Variants in TMEM164 observed in about 807,000 individuals in gnomAD.
TMEM164 encodes the protein RP13-360B22.2.
TMEM164 carries 4 observed loss-of-function variants against 18.8 expected under a neutral mutation model. The observed-to-expected ratio is 0.21, with a 90% CI of 0.10 to 0.49. The LOEUF (loss-of-function observed/expected upper bound fraction) is 0.49, where lower values mean the gene tolerates loss of function less well. Ranked by LOEUF, TMEM164 falls within the 20% of genes least tolerant of loss-of-function variation. TMEM164 has a pLI of 0.98. For missense variants in TMEM164, 108 were observed against 239.9 expected (o/e 0.45, Z 3.63); for synonymous variants, 86 against 101.7 (o/e 0.85, Z 0.93).
At chrX:110,074,245 T>C (rs2065639597) in intron 3 of TMEM164, among the ~76,000 whole-genome samples, 1 of 111,900 alleles carries the variant, frequency 8.9e-6, no homozygotes, top group Non-Finnish European at 1.9e-5. Flanking sequence ...GTTGGCTGCT[T>C]GTATGCCTTC....
At chrX:110,034,045 T>C (rs1934650782) in intron 2 of TMEM164, among the ~76,000 whole-genome samples, 1 of 111,203 alleles carries the variant, frequency 9.0e-6, no homozygotes, top group Non-Finnish European at 1.9e-5. Flanking sequence ...ATAGAGTTCA[T>C]TCAGAGGCGG....
At chrX:110,133,610 G>C (rs2066643712) in intron 4 of TMEM164, among the ~76,000 whole-genome samples, 1 of 111,813 alleles carries the variant, frequency 8.9e-6, no homozygotes, top group South Asian at 3.8e-4. Context: ...TTTGGGGAGA[G>C]ACACAATTCA....
intron 4 of TMEM164, among the ~76,000 whole-genome samples, chrX:110,142,118 C>G (rs1602697921): frequency 8.9e-6 from 1 of 112,295 alleles, no homozygotes; most frequent in East Asian, 2.8e-4. Context: ...TGACAAGAGG[C>G]TCAGGAGCTG....
intron 2 of TMEM164, among the ~76,000 whole-genome samples, chrX:110,022,986 T>C (rs1016947798): frequency 1.8e-5 from 2 of 112,515 alleles, no homozygotes; most frequent in Admixed American, 9.4e-5. Context: ...CTGGTGTATA[T>C]GGCCTTACCC....
intron 2 of TMEM164, among the ~76,000 whole-genome samples, chrX:110,041,759 T>C (rs1049761287): frequency 8.9e-6 from 1 of 111,775 alleles, no homozygotes. Flanking sequence ...TAGAAAAAAG[T>C]TAAGGTATAT....
intron 2 of TMEM164, among the ~76,000 whole-genome samples, chrX:110,054,864 TGA>T (rs1210294710): frequency 8.9e-6 from 1 of 112,054 alleles, no homozygotes; most frequent in Non-Finnish European, 1.9e-5. Context: ...CGATTGATGA[TGA>T]GAGAGAGACC....
At chrX:110,140,098 AG>A (rs1439336601) in intron 4 of TMEM164, among the ~76,000 whole-genome samples, 1 of 111,665 alleles carries the variant, frequency 9.0e-6, no homozygotes, top group Non-Finnish European at 1.9e-5. Context: ...AATGTTGGAA[AG>A]GCATCACAGG....
chrX:110,133,649 T>C (rs1324600352), intron 4 of TMEM164, among the ~76,000 whole-genome samples: 1 of 112,185 alleles, frequency 8.9e-6, no homozygotes, highest in African/African-American at 3.2e-5. Context: ...GTATTCATTA[T>C]GACCATCATT....
intron 2 of TMEM164, among the ~76,000 whole-genome samples, chrX:110,012,078 AC>A (rs1933038435): frequency 9.0e-6 from 1 of 111,559 alleles, no homozygotes; most frequent in South Asian, 3.8e-4. Flanking sequence ...CAACAGAGGC[AC>A]ACAACATTGG....
At chrX:110,005,956 A>T (rs1394481794) in intron 2 of TMEM164, among the ~76,000 whole-genome samples, 2 of 111,447 alleles carry the variant, frequency 1.8e-5, no homozygotes, top group Non-Finnish European at 3.8e-5. Context: ...TGATGTGATG[A>T]CGTCAAGACT....
rs777738903 is a variant in TMEM164, at chrX:110,149,110, C to T, written c.586+4234C>T. ...TTTTTTTTTTTAACTAAAATATATA[C>T]GCTTTCAAGAGAAGCCCCATAATAT... On this transcript the variant is annotated intron_variant, in intron 5 of 6. Transcript: ENST00000372068. Among the ~76,000 whole-genome samples the T allele has an allele frequency of 5.0e-3, 553 of 109,740 alleles. 7 individuals carry two copies. The highest frequency in any genetic ancestry group is 0.018 in the African/African-American group (528 of 30,117).
At chrX:110,142,264 C>T (rs1350720148) in intron 4 of TMEM164, among the ~76,000 whole-genome samples, 3 of 112,036 alleles carry the variant, frequency 2.7e-5, no homozygotes, top group Non-Finnish European at 5.6e-5. Flanking sequence ...TGTGGAGGGA[C>T]GAGTGAGGAC....
chrX:110,094,978 C>A (rs1382469812), intron 3 of TMEM164, among the ~76,000 whole-genome samples: 2 of 111,733 alleles, frequency 1.8e-5, no homozygotes, highest in Non-Finnish European at 3.8e-5. Flanking sequence ...GTTGAAAATT[C>A]TTTTCTTTAA....
intron 4 of TMEM164, among the ~76,000 whole-genome samples, chrX:110,110,493 G>A (rs976701020): frequency 8.9e-6 from 1 of 112,131 alleles, no homozygotes; most frequent in Non-Finnish European, 1.9e-5. Context: ...CCTTGGAGAG[G>A]ATGAGTTCAT....
At chrX:110,090,751 C>A (rs1274430959) in intron 3 of TMEM164, among the ~76,000 whole-genome samples, 1 of 111,288 alleles carries the variant, frequency 9.0e-6, no homozygotes, top group Admixed American at 9.6e-5. Flanking sequence ...GGTACATGTG[C>A]ACAACATGCA....
chrX:110,139,987 G>A, intron 4 of TMEM164, among the ~76,000 whole-genome samples: 1 of 111,460 alleles, frequency 9.0e-6, no homozygotes, highest in Non-Finnish European at 1.9e-5. Context: ...TGAAAAAGGT[G>A]TGAGGTAAAA....
intron 4 of TMEM164, among the ~76,000 whole-genome samples, chrX:110,119,184 C>T (rs773062378): frequency 9.0e-6 from 1 of 111,205 alleles, no homozygotes; most frequent in Admixed American, 9.5e-5. Context: ...AAAATCATCA[C>T]CAATGCAAAG....
chrX:110,004,202 TAA>T (rs980684618), intron 2 of TMEM164, 38 bp downstream of exon 2: 2 of 1,164,641 alleles, frequency 1.7e-6, no homozygotes, highest in African/African-American at 1.8e-5. Flanking sequence ...TCCTAAGTGA[TAA>T]GAGTCATTTA....
intron 3 of TMEM164, among the ~76,000 whole-genome samples, chrX:110,091,637 A>T (rs2065930649): frequency 9.0e-6 from 1 of 110,970 alleles, no homozygotes; most frequent in Admixed American, 9.5e-5. Flanking sequence ...GATTGTAAAA[A>T]TTTTCTCCCA....
Sources: gnomAD v4.1 joint callset for allele counts (sites outside exome capture counted in the v4.1 genomes callset) on GRCh38, gnomAD v4.1.1 for gene constraint, MANE v1.5 for transcripts, NCBI Gene and HGNC (gene_info 2026-07-23, HGNC 2026-07-21) for gene names.